GATA6: variants seen among roughly 807,000 people sequenced by gnomAD.
GATA6 encodes the protein transcription factor GATA-6.
In GATA6, 11 loss-of-function variants were observed where a neutral mutation model predicts 48.1. The observed-to-expected ratio is 0.23, with a 90% CI of 0.14 to 0.38. The LOEUF (loss-of-function observed/expected upper bound fraction) is 0.38. Among genes scored for constraint, GATA6 ranks in the 10% least tolerant of loss-of-function variants. The pLI, the probability that GATA6 is intolerant of heterozygous loss-of-function variation, is 1.00. For synonymous variants in GATA6, 419 were observed against 396.1 expected (o/e 1.06, Z -0.69); for missense variants, 795 against 850.3 (o/e 0.93, Z 0.81).
At chr18:22,188,169 G>C (rs553049800) in intron 6 of GATA6, among the ~76,000 whole-genome samples, 1 of 152,166 alleles carries the variant, frequency 6.6e-6, no homozygotes, top group Non-Finnish European at 1.5e-5. Flanking sequence ...TAAACATAAA[G>C]TGTTGAAGTT....
Position 22,172,247 on chromosome 18 carries a change from C to T in GATA6, c.1103C>T (p.Ala368Val), listed in dbSNP as rs1457725461. ...VLHSLQSRAG[A>V]PLPVPRGPSA... ...CACAGCCTGCAGAGCCGCGCCGGAG[C>T]CCCGCTCCCGGTGCCCCGGGGTCCC... Residue 368 changes from alanine to valine, a missense_variant, in exon 2 of 7, where the codon GCC (alanine) becomes GTC (valine). By Grantham distance (64) the Ala-to-Val change is moderately conservative. Transcript: ENST00000269216. This position sits in a 1 kb window ranked among gnomAD's most constrained non-coding sequence, Gnocchi z 5.2. The T allele has an allele frequency of 7.2e-6, 11 of 1,533,656 alleles. No individual in the cohort carries two copies. The highest frequency in any genetic ancestry group is 9.6e-6 in the Non-Finnish European group (11 of 1,146,164).
chr18:22,173,116 TA>T (rs1357445707), intron 2 of GATA6, among the ~76,000 whole-genome samples: 1 of 152,220 alleles, frequency 6.6e-6, no homozygotes, highest in East Asian at 1.9e-4. Flanking sequence ...TGGGAGCCAT[TA>T]GGGGGTAAAC....
chr18:22,177,549 A>C (rs1206325113), intron 3 of GATA6, among the ~76,000 whole-genome samples: 1 of 152,212 alleles, frequency 6.6e-6, no homozygotes, highest in African/African-American at 2.4e-5. Flanking sequence ...GGTGATGGTA[A>C]CCCGAGGAGA....
Position 22,171,111 on chromosome 18 carries a change from C to T in GATA6, c.-34C>T, listed in dbSNP as rs758994707. 1.3e-6 allele frequency: 2 copies of T among 1,586,476 alleles called. No individual in the cohort carries two copies. Among genetic ancestry groups the T allele is most frequent in the Admixed American group, 1.7e-5 (1 of 59,776 alleles). Reference sequence around the variant, plus strand: ...CGTCTCCCCCACCCCACCTCAGGAGCTAGACGTCAGCTTGGAGCGGCGCCG... The same window carrying T: ...CGTCTCCCCCACCCCACCTCAGGAGTTAGACGTCAGCTTGGAGCGGCGCCG... On this transcript the variant is annotated 5_prime_UTR_variant, in exon 2 of 7. Transcript: ENST00000269216. This position sits in a 1 kb window ranked among gnomAD's most constrained non-coding sequence, Gnocchi z 7.1.
At chr18:22,179,883 A>G (rs868693499) in intron 3 of GATA6, among the ~76,000 whole-genome samples, 2 of 152,214 alleles carry the variant, frequency 1.3e-5, no homozygotes, top group Non-Finnish European at 2.9e-5. Context: ...TTCTCTGTAG[A>G]GTGATGCTAA....
intron 6 of GATA6, among the ~76,000 whole-genome samples, chr18:22,193,764 C>T (rs967507061): frequency 6.6e-6 from 1 of 152,190 alleles, no homozygotes; most frequent in African/African-American, 2.4e-5. Context: ...GAGATTCCAG[C>T]AAGGAAGATA....
chr18:22,200,198 T>TGC (rs922021759), intron 6 of GATA6, among the ~76,000 whole-genome samples: 2 of 146,992 alleles, frequency 1.4e-5, no homozygotes, highest in African/African-American at 5.1e-5. Flanking sequence ...TGTGTGTGTG[T>TGC]GTGCGCGCGC....
At chr18:22,182,908 T>C (rs766611274) in intron 5 of GATA6, 32 bp from the exon 6 acceptor site, 2 of 1,601,446 alleles carry the variant, frequency 1.2e-6, no homozygotes, top group Non-Finnish European at 1.7e-6. Flanking sequence ...AGAGCATATG[T>C]ATATTTATAA....
intron 6 of GATA6, among the ~76,000 whole-genome samples, chr18:22,190,747 T>C (rs760679413): frequency 2.6e-5 from 4 of 151,994 alleles, no homozygotes; most frequent in Non-Finnish European, 5.9e-5. Flanking sequence ...TCCCAGGGAG[T>C]TGACCAATCA....
At chr18:22,193,481 A>G (rs1281824523) in intron 6 of GATA6, among the ~76,000 whole-genome samples, 2 of 152,250 alleles carry the variant, frequency 1.3e-5, no homozygotes, top group East Asian at 1.9e-4. Context: ...AAAGCACCAC[A>G]GGAGTCTAAC....
chr18:22,199,210 C>T (rs963732144), intron 6 of GATA6, among the ~76,000 whole-genome samples: 23 of 152,272 alleles, frequency 1.5e-4, no homozygotes, highest in African/African-American at 5.3e-4. Context: ...AGGCTCGGCA[C>T]ACTTCCTTTC....
At chr18:22,196,610 A>C (rs2033392735) in intron 6 of GATA6, among the ~76,000 whole-genome samples, 1 of 152,090 alleles carries the variant, frequency 6.6e-6, no homozygotes, top group Admixed American at 6.5e-5. Context: ...GCATGGTGGC[A>C]CATGCTTGTG....
intron 6 of GATA6, among the ~76,000 whole-genome samples, chr18:22,199,588 C>G (rs533764397): frequency 2.0e-5 from 3 of 152,216 alleles, no homozygotes; most frequent in African/African-American, 7.2e-5. Flanking sequence ...TGGAACAGGG[C>G]AAAGGTGAAC....
rs1433160408 is a variant in GATA6 at position 22,172,169 on chromosome 18, G to C, written c.1025G>C (p.Gly342Ala). Residue 342 changes from glycine to alanine, a missense_variant, in exon 2 of 7, where the codon GGG (glycine) becomes GCG (alanine). Transcript: ENST00000269216. The surrounding 1 kb of genome is among the most constrained non-coding windows in gnomAD (Gnocchi z 5.2). The stretch of plus-strand genomic sequence containing the variant: ...CCGAGCCCCTACTCGCCCTACGTGG[G>C]GGCGCCACTGACGCCTGCCTGGCCC... ...HHPSPYSPYV[G>A]APLTPAWPAG... 6.5e-7 allele frequency: 1 copy of C among 1,533,324 alleles called. No homozygotes were observed. The highest frequency in any genetic ancestry group is 1.4e-5 in the African/African-American group (1 of 72,798). 95.0% of individuals were successfully genotyped at this position (1,533,324 alleles called of 1,614,324 possible).
rs1166309522 is a variant in GATA6 at position 22,171,238 on chromosome 18, C to A, written c.94C>A (p.Pro32Thr). The A allele has an allele frequency of 3.8e-6, 6 of 1,598,744 alleles. No individual in the cohort carries two copies. The highest frequency in any genetic ancestry group is 5.1e-6 in the Non-Finnish European group (6 of 1,179,120). ...SDSRAFPARE[P>T]STPPSPISSS... is the part of the protein sequence containing the mutation. ...CTCCAGAGCCTTTCCAGCGCGGGAGCCCTCCACGCCGCCTTCCCCCATCTC... is the reference window on the plus strand; with the variant it reads ...CTCCAGAGCCTTTCCAGCGCGGGAGACCTCCACGCCGCCTTCCCCCATCTC... The change falls in exon 2 of 7, where the codon CCC becomes ACC. Residue 32 changes from proline (P) to threonine (T), a missense_variant. By Grantham distance (38) the Pro-to-Thr change is conservative. Coordinates refer to ENST00000269216, the MANE Select transcript of GATA6 (RefSeq NM_005257.6). The surrounding 1 kb of genome is among the most constrained non-coding windows in gnomAD (Gnocchi z 7.1).
chr18:22,188,869 T>A (rs546003626), intron 6 of GATA6, among the ~76,000 whole-genome samples: 6 of 151,946 alleles, frequency 3.9e-5, no homozygotes, highest in African/African-American at 1.5e-4. Context: ...GCAGGATGGT[T>A]GGAGTGGCTG....
rs577304993 is a variant in GATA6, at chr18:22,202,291, T to G, written c.*1468T>G. ...TTAAAAATATTCCAGAAAGTTCAGA[T>G]TTTTTTTCTTTGTGAATGAAATATA... On this transcript the variant is annotated 3_prime_UTR_variant, in exon 7 of 7. Transcript: ENST00000269216. 6.6e-5 allele frequency: 10 copies of G among 152,160 alleles called. No individual in the cohort carries two copies. In the South Asian group the frequency reaches 2.1e-3, roughly 32 times the overall value. 9.4% of individuals were successfully genotyped at this position (152,160 alleles called of 1,614,324 possible). A position where few individuals can be genotyped will look rare whatever the true frequency, so the allele number is the denominator to read the frequency against.
chr18:22,172,387 G>T lies in GATA6; in HGVS notation c.1135+108G>T, dbSNP rs2033068265. The T allele has an allele frequency of 6.9e-7, 1 of 1,458,362 alleles. No homozygotes were observed. The allele number at this position is 1,458,362 out of a possible 1,614,324, so 90.3% of individuals were successfully genotyped here. On this transcript the variant is annotated intron_variant, in intron 2 of 6. Coordinates refer to ENST00000269216, the MANE Select transcript of GATA6 (RefSeq NM_005257.6). The surrounding 1 kb of genome is among the most constrained non-coding windows in gnomAD (Gnocchi z 5.2). ...CCCTGTTTTCAGGACTTTCTCGTCC[G>T]GGTGCGCGGAGGTCGGCCTGGTCCC...
At chr18:22,194,268 C>T (rs1438428482) in intron 6 of GATA6, among the ~76,000 whole-genome samples, 2 of 152,228 alleles carry the variant, frequency 1.3e-5, no homozygotes, top group East Asian at 1.9e-4. Context: ...TAAGCCCAGG[C>T]TGGGTCTGGC....
Sources: gnomAD v4.1 joint callset for allele counts (sites outside exome capture counted in the v4.1 genomes callset) on GRCh38, gnomAD v4.1.1 for gene constraint, Gnocchi (gnomAD v3.1) non-coding constraint, MANE v1.5 for transcripts, NCBI Gene and HGNC (gene_info 2026-07-23, HGNC 2026-07-21) for gene names.